The following LRRC49 variants were observed in gnomAD, a reference collection of about 807,000 sequenced individuals.
LRRC49 encodes leucine-rich repeat-containing protein 49.
Under a neutral mutation model 83.3 loss-of-function variants are expected in LRRC49, and 50 were observed. The ratio of observed to expected loss-of-function variants is 0.60; its 90% CI spans 0.48 to 0.76. The LOEUF (loss-of-function observed/expected upper bound fraction) is 0.76. LRRC49 is among the 30% of genes least tolerant of loss of function. LRRC49 has a pLI of 0.00. For synonymous variants in LRRC49, 286 were observed against 283.3 expected, an observed-to-expected ratio of 1.01 and a Z score of -0.10; for missense variants, 704 against 809.1, an observed-to-expected ratio of 0.87 and a Z score of 1.58.
intron 8 of LRRC49, among the ~76,000 whole-genome samples, chr15:70,948,750 T>C (rs2036104433): frequency 1.3e-5 from 2 of 152,284 alleles, no homozygotes; most frequent in South Asian, 4.1e-4. Context: ...TGGAGAATGC[T>C]GTTTAGAAAC....
chr15:70,870,832 T>A (rs1479671310), intron 1 of LRRC49, among the ~76,000 whole-genome samples: 1 of 152,170 alleles, frequency 6.6e-6, no homozygotes, highest in Admixed American at 6.5e-5. Flanking sequence ...ATCATCTCAA[T>A]TTCTTCCCCA....
chr15:70,984,180 T>C lies in LRRC49; in HGVS notation c.1092T>C (p.Asp364=), dbSNP rs1325191598. The change falls in exon 11 of 16, where the codon GAT becomes GAC. Residue 364 remains aspartate, a synonymous_variant. Transcript: ENST00000260382. Reference sequence around the variant, plus strand: ...TAGCCAATATTGCTACAAATGAAGATAGAAAAGATTCTGACTCTCCTCAGG... The same window carrying C: ...TAGCCAATATTGCTACAAATGAAGACAGAAAAGATTCTGACTCTCCTCAGG... ...QRVANIATNE[D]RKDSDSPQDP... is the part of the protein sequence containing the mutation. The C allele has an allele frequency of 1.2e-6, 2 of 1,613,384 alleles. No homozygotes were observed. Among genetic ancestry groups the C allele is most frequent in the Non-Finnish European group, 1.7e-6 (2 of 1,179,536 alleles).
intron 1 of LRRC49, chr15:70,872,892 T>G: frequency 5.7e-6 from 1 of 175,398 alleles, no homozygotes; most frequent in Non-Finnish European, 1.2e-5. Context: ...ACTTTTTTTT[T>G]TTTTTTTTTT....
At position 71,014,004 on chromosome 15, in the gene LRRC49, C is replaced by T. The variant is rs1218043560; in HGVS notation, c.1703+1091C>T. ...AACCATGTTACCCTACTATAATTTA[C>T]ACTAACAAAGTGAGTCTTTTGCATG... On this transcript the variant is annotated intron_variant, in intron 14 of 15. Coordinates refer to ENST00000260382, the MANE Select transcript of LRRC49 (RefSeq NM_017691.5). 2.6e-5 allele frequency among the ~76,000 whole-genome samples: 4 copies of T among 152,312 alleles called. No homozygotes were observed. The East Asian group carries it at 7.7e-4, about 29-fold the overall frequency.
intron 7 of LRRC49, among the ~76,000 whole-genome samples, chr15:70,926,817 T>G (rs972029319): frequency 6.6e-6 from 1 of 152,044 alleles, no homozygotes; most frequent in African/African-American, 2.4e-5. Flanking sequence ...TGGTTTAAAT[T>G]TTTGCAATCT....
intron 14 of LRRC49, among the ~76,000 whole-genome samples, chr15:71,026,286 A>G (rs2039169543): frequency 6.6e-6 from 1 of 151,874 alleles, no homozygotes; most frequent in Non-Finnish European, 1.5e-5. Context: ...CATGGTGTAT[A>G]TGTGCCACAT....
intron 14 of LRRC49, among the ~76,000 whole-genome samples, chr15:71,016,863 T>G (rs1596143509): frequency 1.3e-5 from 2 of 152,228 alleles, no homozygotes; most frequent in Middle Eastern, 3.4e-3. Context: ...CCCAGCACTT[T>G]GGGAGGCTGA....
chr15:70,998,208 G>A (rs538416708), intron 11 of LRRC49, among the ~76,000 whole-genome samples: 1 of 152,154 alleles, frequency 6.6e-6, no homozygotes, highest in East Asian at 1.9e-4. Context: ...ATATTAAAAA[G>A]AGGAATTACC....
chr15:71,022,779 T>A (rs2141278720), intron 14 of LRRC49, among the ~76,000 whole-genome samples: 1 of 152,274 alleles, frequency 6.6e-6, no homozygotes, highest in African/African-American at 2.4e-5. Flanking sequence ...AGAAAAAGGA[T>A]ATAAAATGCT....
At chr15:70,965,606 T>G (rs1454295775) in intron 9 of LRRC49, among the ~76,000 whole-genome samples, 2 of 152,074 alleles carry the variant, frequency 1.3e-5, no homozygotes, top group Non-Finnish European at 2.9e-5. Context: ...TGATTAATTT[T>G]TACTTATAGG....
At chr15:70,983,091 T>C (rs2037462713) in intron 10 of LRRC49, among the ~76,000 whole-genome samples, 1 of 152,176 alleles carries the variant, frequency 6.6e-6, no homozygotes, top group Non-Finnish European at 1.5e-5. Flanking sequence ...AAGGAAAGTG[T>C]CTGTTTTCAG....
intron 15 of LRRC49, among the ~76,000 whole-genome samples, chr15:71,044,653 G>T (rs1257860740): frequency 6.6e-6 from 1 of 151,792 alleles, no homozygotes; most frequent in African/African-American, 2.4e-5. Flanking sequence ...GGGTGTGGTG[G>T]TGCACGCCTG....
intron 8 of LRRC49, among the ~76,000 whole-genome samples, chr15:70,956,929 G>A (rs772379132): frequency 2.6e-5 from 4 of 152,234 alleles, no homozygotes; most frequent in Non-Finnish European, 4.4e-5. Flanking sequence ...GAGGACTGCA[G>A]TGATGTTCCC....
chr15:70,963,150 C>T (rs1393511693), intron 8 of LRRC49, among the ~76,000 whole-genome samples: 1 of 151,428 alleles, frequency 6.6e-6, no homozygotes, highest in African/African-American at 2.4e-5. Context: ...ATGGTACATA[C>T]CTGTAGTTCC....
chr15:70,877,211 T>C (rs1027470298), intron 2 of LRRC49, among the ~76,000 whole-genome samples: 7 of 152,222 alleles, frequency 4.6e-5, no homozygotes, highest in Admixed American at 1.3e-4. Context: ...AGTGTATTGC[T>C]TTTTCTTTAA....
chr15:71,006,517 C>A (rs1048886946), intron 11 of LRRC49, among the ~76,000 whole-genome samples: 1 of 152,016 alleles, frequency 6.6e-6, no homozygotes, highest in Non-Finnish European at 1.5e-5. Flanking sequence ...CTGATTCTGC[C>A]CCTTTACTGA....
chr15:70,854,112 C>T (rs1277184889), intron 1 of LRRC49: 5 of 1,240,042 alleles, frequency 4.0e-6, no homozygotes, highest in East Asian at 3.3e-5. Flanking sequence ...GCGGCGCCGC[C>T]GGGGTCCTCA....
chr15:70,988,450 G>A (rs1330545678), intron 11 of LRRC49, among the ~76,000 whole-genome samples: 9 of 151,592 alleles, frequency 5.9e-5, no homozygotes, highest in Non-Finnish European at 1.0e-4. Context: ...CAGAGACTAG[G>A]ATTGCAACCC....
At chr15:71,009,586 A>G in intron 12 of LRRC49, 1 of 384,550 alleles carries the variant, frequency 2.6e-6, no homozygotes, top group Non-Finnish European at 4.6e-6. Context: ...AGAAGGAGTC[A>G]CCCAGAATTC....
Sources: allele counts gnomAD v4.1 joint callset (sites outside exome capture counted in the v4.1 genomes callset), GRCh38; gene constraint gnomAD v4.1.1; transcripts MANE v1.5; gene names NCBI Gene and HGNC (gene_info 2026-07-23, HGNC 2026-07-21).